The following PDZK1 variants were observed in gnomAD, a reference collection of about 807,000 sequenced individuals.
The protein encoded by PDZK1 is Na(+)/H(+) exchange regulatory cofactor NHE-RF3.
Under a neutral mutation model 38.1 loss-of-function variants are expected in PDZK1, and 23 were observed. That is an observed-to-expected ratio of 0.60 (90% confidence interval 0.43 to 0.85). The LOEUF (loss-of-function observed/expected upper bound fraction) is 0.85, where lower values mean the gene tolerates loss of function less well. Ranked by LOEUF, PDZK1 falls within the 40% of genes least tolerant of loss-of-function variation. The pLI, the probability that PDZK1 is intolerant of heterozygous loss-of-function variation, is 0.00. For synonymous variants in PDZK1, 98 were observed against 186.2 expected, an observed-to-expected ratio of 0.53 and a Z score of 3.86; for missense variants, 297 against 504.3, an observed-to-expected ratio of 0.59 and a Z score of 3.94.
chr1:145,699,394 G>C (rs1011033853), intron 1 of PDZK1, among the ~76,000 whole-genome samples: 1 of 152,202 alleles, frequency 6.6e-6, no homozygotes, highest in Non-Finnish European at 1.5e-5. Context: ...TCCAGCCTCA[G>C]TGACACAGCA....
Position 145,686,727 on chromosome 1 carries a change from C to G in PDZK1, c.211-1G>C. ...CACTCTTTCTGACCAGATCCACAAC[C>G]TAGGAGGGAAGAAGAAAAAGGTAAC... On this transcript the variant is annotated splice_acceptor_variant, in intron 2 of 8. Coordinates refer to ENST00000417171, the MANE Select transcript of PDZK1 (RefSeq NM_001201325.2). LOFTEE classifies it high-confidence loss of function. 4 of 1,453,910 alleles carry G rather than the reference C, an allele frequency of 2.8e-6. No individual in the cohort carries two copies. The highest frequency in any genetic ancestry group is 2.8e-6 in the Non-Finnish European group (3 of 1,060,140). 90.1% of individuals were successfully genotyped at this position (1,453,910 alleles called of 1,614,324 possible).
At chr1:145,698,977 C>A (rs1553704619) in intron 1 of PDZK1, among the ~76,000 whole-genome samples, 1 of 151,754 alleles carries the variant, frequency 6.6e-6, no homozygotes. Flanking sequence ...GTGGTTCATG[C>A]CTGTAATCCC....
chr1:145,678,834 A>AACTC (rs1484501939), intron 5 of PDZK1, among the ~76,000 whole-genome samples, 189 bp from the exon 6 acceptor site: 1 of 144,910 alleles, frequency 6.9e-6, no homozygotes, highest in African/African-American at 2.5e-5. Context: ...TCCTGCTCAG[A>AACTC]ACTCACCCCA....
In PDZK1 at chr1:145,683,166, G is replaced by A. The variant is rs782475303; in HGVS notation, c.461-530C>T. 1.6e-3 allele frequency among the ~76,000 whole-genome samples: 247 copies of A among 152,292 alleles called. 2 individuals are homozygous for A. The highest frequency in any genetic ancestry group is 4.1e-3 in the Admixed American group (62 of 15,302). On this transcript the variant is annotated intron_variant, in intron 3 of 8. Coordinates refer to ENST00000417171, the MANE Select transcript of PDZK1 (RefSeq NM_001201325.2). ...TCCCAATAATGTGAAACAAACTTCCGATTTTAGAGCTAACTCGGCCTTTGG... is the reference window on the plus strand; with the variant it reads ...TCCCAATAATGTGAAACAAACTTCCAATTTTAGAGCTAACTCGGCCTTTGG...
chr1:145,695,652 G>C (rs1655588290), intron 1 of PDZK1, among the ~76,000 whole-genome samples: 2 of 152,128 alleles, frequency 1.3e-5, no homozygotes, highest in Admixed American at 1.3e-4. Flanking sequence ...CTTTTAAGCA[G>C]AGGAATAACA....
chr1:145,677,462 C>G (rs1653796065), intron 6 of PDZK1, among the ~76,000 whole-genome samples: 1 of 149,352 alleles, frequency 6.7e-6, no homozygotes, highest in South Asian at 2.1e-4. Flanking sequence ...GACTTCTATT[C>G]AAGTTGATAT....
At chr1:145,694,456 C>A (rs979200526) in intron 1 of PDZK1, among the ~76,000 whole-genome samples, 1 of 152,210 alleles carries the variant, frequency 6.6e-6, no homozygotes, top group African/African-American at 2.4e-5. Flanking sequence ...AGACATACTA[C>A]CCAAACCTGA....
chr1:145,695,171 T>A (rs1655556406), intron 1 of PDZK1, among the ~76,000 whole-genome samples: 2 of 151,750 alleles, frequency 1.3e-5, no homozygotes, highest in South Asian at 4.2e-4. Context: ...TCCCAACACT[T>A]TGGGAGGCAG....
chr1:145,703,838 G>A (rs1394005079), intron 1 of PDZK1, among the ~76,000 whole-genome samples: 1 of 143,754 alleles, frequency 7.0e-6, no homozygotes, highest in Non-Finnish European at 1.5e-5. Context: ...TTTTTTTTTT[G>A]GCCAGGAGGG....
chr1:145,688,815 C>G (rs1655016102), intron 1 of PDZK1, among the ~76,000 whole-genome samples: 1 of 152,040 alleles, frequency 6.6e-6, no homozygotes, highest in Non-Finnish European at 1.5e-5. Flanking sequence ...AAAAATTAGC[C>G]AGGCGTGGTG....
intron 3 of PDZK1, among the ~76,000 whole-genome samples, chr1:145,685,751 C>T (rs1654696959): frequency 6.6e-6 from 1 of 152,170 alleles, no homozygotes; most frequent in Admixed American, 6.5e-5. Context: ...TCCTCTGGTT[C>T]CAACCAATAC....
At chr1:145,696,642 A>C (rs74119454) in intron 1 of PDZK1, among the ~76,000 whole-genome samples, 98 of 152,320 alleles carry the variant, frequency 6.4e-4, no homozygotes, top group African/African-American at 1.9e-3. Flanking sequence ...CTCTAGAATC[A>C]TGAGAAAATA....
chr1:145,686,361 T>A, intron 3 of PDZK1, 116 bp downstream of exon 3: 1 of 1,313,438 alleles, frequency 7.6e-7, no homozygotes, highest in Non-Finnish European at 1.1e-6. Context: ...AAGCTATCTA[T>A]AGCAACTGAA....
chr1:145,688,536 A>G (rs587618805), intron 1 of PDZK1, among the ~76,000 whole-genome samples: 1 of 152,170 alleles, frequency 6.6e-6, no homozygotes, highest in Non-Finnish European at 1.5e-5. Context: ...TAAGGGGGAA[A>G]ATAACAAAGG....
At chr1:145,702,894 A>G (rs782568999) in intron 1 of PDZK1, among the ~76,000 whole-genome samples, 2 of 151,902 alleles carry the variant, frequency 1.3e-5, no homozygotes, top group East Asian at 3.9e-4. Flanking sequence ...CTCCGTCTCA[A>G]AAAAAAAGAA....
chr1:145,673,899 G>GA lies in PDZK1; in HGVS notation c.991-19dup, dbSNP rs1444749602. The GA allele has an allele frequency of 2.8e-6, 4 of 1,411,100 alleles. No individual in the cohort carries two copies. Among genetic ancestry groups the GA allele is most frequent in the East Asian group, 2.3e-5 (1 of 42,956 alleles). 87.4% of individuals were successfully genotyped at this position (1,411,100 alleles called of 1,614,324 possible). On this transcript the variant is annotated intron_variant, in intron 6 of 8. Coordinates refer to ENST00000417171, the MANE Select transcript of PDZK1 (RefSeq NM_001201325.2). ...AAATGAGCCTTTTGAAAAATAAAGG[G>GA]AAAAAACATTAACTTAGTTGTAACC...
At chr1:145,687,709 C>T (rs1571613217) in intron 2 of PDZK1, 103 bp downstream of exon 2, 9 of 961,688 alleles carry the variant, frequency 9.4e-6, no homozygotes, top group Non-Finnish European at 1.5e-5. Flanking sequence ...CCAGTGGCAG[C>T]CAGGAAAGAA....
At chr1:145,692,539 C>T (rs889597968) in intron 1 of PDZK1, among the ~76,000 whole-genome samples, 4 of 150,562 alleles carry the variant, frequency 2.7e-5, no homozygotes, top group Non-Finnish European at 4.4e-5. Flanking sequence ...GGTGAAACCC[C>T]GTCTCTACTA....
chr1:145,704,906 C>T (rs1298954), intron 1 of PDZK1, among the ~76,000 whole-genome samples: 66,753 of 151,912 alleles, frequency 0.44, 15,251 homozygotes, highest in East Asian at 0.63. Context: ...TGAGGAACAC[C>T]TCATCAAAGC....
Sources: gnomAD v4.1 joint callset for allele counts (sites outside exome capture counted in the v4.1 genomes callset) on GRCh38, gnomAD v4.1.1 for gene constraint, MANE v1.5 for transcripts, NCBI Gene and HGNC (gene_info 2026-07-23, HGNC 2026-07-21) for gene names.